The following CEP112 variants were observed in gnomAD, a reference collection of about 807,000 sequenced individuals.
The protein encoded by CEP112 is centrosomal protein 112.
Under a neutral mutation model 153.0 loss-of-function variants are expected in CEP112, and 127 were observed. The observed-to-expected ratio is 0.83, with a 90% CI of 0.72 to 0.96. The LOEUF (loss-of-function observed/expected upper bound fraction) is 0.96. Ranked by LOEUF, CEP112 falls within the 40% of genes least tolerant of loss-of-function variation. CEP112 has a pLI of 0.00. For missense variants in CEP112, 1,089 were observed against 1,101.2 expected (o/e 0.99, Z 0.16); for synonymous variants, 358 against 374.4 (o/e 0.96, Z 0.51).
At chr17:65,955,852 A>G (rs2061984691) in intron 18 of CEP112, among the ~76,000 whole-genome samples, 2 of 152,178 alleles carry the variant, frequency 1.3e-5, no homozygotes, top group African/African-American at 4.8e-5. Flanking sequence ...AATGTATAAA[A>G]CAATTACTAC....
At chr17:65,810,756 A>G (rs1019897311) in intron 21 of CEP112, among the ~76,000 whole-genome samples, 21 of 152,106 alleles carry the variant, frequency 1.4e-4, no homozygotes, top group Non-Finnish European at 2.5e-4. Context: ...TTGATATAAG[A>G]GAAATGGTGG....
rs764871912 is a variant in CEP112 at position 66,062,936 on chromosome 17, T to C, written c.1074+27A>G. ...TACTTGGAAGCATAAACTTTTATGT[T>C]TTCCATTAGTATTTTATGTAGCTTA... On this transcript the variant is annotated intron_variant, in intron 11 of 26. Transcript: ENST00000535342. 1.7e-6 allele frequency: 2 copies of C among 1,159,606 alleles called. 1 individual carries two copies. Among genetic ancestry groups the C allele is most frequent in the Non-Finnish European group, 2.5e-6 (2 of 802,934 alleles). 71.8% of individuals were successfully genotyped at this position (1,159,606 alleles called of 1,614,324 possible). A position where few individuals can be genotyped will look rare whatever the true frequency, so the allele number is the denominator to read the frequency against.
chr17:66,088,027 C>T (rs2068005522), intron 8 of CEP112, among the ~76,000 whole-genome samples: 1 of 150,810 alleles, frequency 6.6e-6, no homozygotes, highest in African/African-American at 2.4e-5. Flanking sequence ...TAGATTTAGT[C>T]CCTGGGTCCA....
At chr17:66,030,435 A>C (rs1306777759) in intron 12 of CEP112, among the ~76,000 whole-genome samples, 1 of 152,204 alleles carries the variant, frequency 6.6e-6, no homozygotes, top group Non-Finnish European at 1.5e-5. Flanking sequence ...AATGTGTTAT[A>C]AGAGTAATGT....
chr17:66,188,881 T>C (rs2073053986), intron 1 of CEP112, among the ~76,000 whole-genome samples: 1 of 152,004 alleles, frequency 6.6e-6, no homozygotes, highest in East Asian at 1.9e-4. Context: ...AACCCAGAGT[T>C]TTAAAGCACA....
At chr17:66,002,871 C>T (rs2064120396) in intron 17 of CEP112, among the ~76,000 whole-genome samples, 1 of 152,232 alleles carries the variant, frequency 6.6e-6, no homozygotes, top group East Asian at 1.9e-4. Flanking sequence ...CTGAGATTTT[C>T]CTTCTTTGCA....
At chr17:65,826,092 C>T in intron 21 of CEP112, 1 of 1,585,748 alleles carries the variant, frequency 6.3e-7, no homozygotes, top group Non-Finnish European at 8.6e-7. Context: ...TTTATTTTTT[C>T]AGCAAGATCC....
intron 6 of CEP112, among the ~76,000 whole-genome samples, chr17:66,127,294 G>C (rs2069893123): frequency 6.6e-6 from 1 of 152,184 alleles, no homozygotes; most frequent in Admixed American, 6.5e-5. Flanking sequence ...GGGCAAAGGT[G>C]AGTTTAAAAG....
chr17:65,810,371 T>C (rs2055876411), intron 21 of CEP112, among the ~76,000 whole-genome samples: 1 of 152,010 alleles, frequency 6.6e-6, no homozygotes, highest in Non-Finnish European at 1.5e-5. Flanking sequence ...TGGGCTGTGA[T>C]TGGAATATGG....
chr17:65,855,775 C>T (rs1001292534), intron 20 of CEP112, among the ~76,000 whole-genome samples: 3 of 152,238 alleles, frequency 2.0e-5, no homozygotes, highest in Admixed American at 6.5e-5. Flanking sequence ...TTTTTAAGTG[C>T]GTAATAGGCC....
At chr17:66,164,624 G>A (rs1321413286) in intron 4 of CEP112, among the ~76,000 whole-genome samples, 5 of 148,696 alleles carry the variant, frequency 3.4e-5, no homozygotes, top group East Asian at 2.0e-4. Flanking sequence ...TTGGGAGGCC[G>A]AGGCATATGG....
chr17:65,706,224 G>C (rs967848544), intron 23 of CEP112, among the ~76,000 whole-genome samples: 1 of 152,208 alleles, frequency 6.6e-6, no homozygotes, highest in African/African-American at 2.4e-5. Context: ...CGCAGTATTT[G>C]GGAAAAGCCT....
chr17:66,113,957 A>C (rs775336885), intron 6 of CEP112, among the ~76,000 whole-genome samples: 1 of 152,236 alleles, frequency 6.6e-6, no homozygotes, highest in Non-Finnish European at 1.5e-5. Context: ...ATCTGTAAAC[A>C]GTCTTAACAT....
intron 9 of CEP112, among the ~76,000 whole-genome samples, chr17:66,067,673 A>G (rs2067174170): frequency 6.6e-6 from 1 of 152,224 alleles, no homozygotes; most frequent in Non-Finnish European, 1.5e-5. Flanking sequence ...AAATTATTAA[A>G]TATACAAGAA....
chr17:65,655,440 C>A, intron 24 of CEP112: 2 of 1,211,602 alleles, frequency 1.7e-6, no homozygotes, highest in Non-Finnish European at 2.4e-6. Context: ...TCTTTGACTG[C>A]TGTCTTTTGA....
chr17:66,136,430 A>G lies in CEP112; in HGVS notation c.471-3667T>C, dbSNP rs191072211. Among the ~76,000 whole-genome samples, 140 of 152,106 alleles carry G rather than the reference A, an allele frequency of 9.2e-4. 1 individual carries two copies. The highest frequency in any genetic ancestry group is 3.3e-3 in the African/African-American group (135 of 41,496). On this transcript the variant is annotated intron_variant, in intron 4 of 26. Transcript: ENST00000535342. ...AATGCCTGGGGACCACTGAGAACAA[A>G]GGTGGTGGTTTGGACTAGTAAACAC...
intron 19 of CEP112, among the ~76,000 whole-genome samples, chr17:65,911,676 T>G (rs9909828): frequency 0.16 from 24,427 of 151,856 alleles, 2,203 homozygotes; most frequent in Admixed American, 0.27. Flanking sequence ...AAAAAATAAA[T>G]AAAAAAGAAA....
At chr17:66,131,826 G>C (rs1408333470) in intron 5 of CEP112, among the ~76,000 whole-genome samples, 1 of 152,028 alleles carries the variant, frequency 6.6e-6, no homozygotes, top group Non-Finnish European at 1.5e-5. Context: ...AAGACAGCCA[G>C]AGTTAGGCAA....
At chr17:66,176,735 A>C in intron 3 of CEP112, 95 bp downstream of exon 3, 1 of 904,546 alleles carries the variant, frequency 1.1e-6, no homozygotes, top group Non-Finnish European at 1.6e-6. Context: ...TCTAGCACAT[A>C]CAACCTAATA....
Sources: gnomAD v4.1 joint callset for allele counts (sites outside exome capture counted in the v4.1 genomes callset) on GRCh38, gnomAD v4.1.1 for gene constraint, MANE v1.5 for transcripts, NCBI Gene and HGNC (gene_info 2026-07-23, HGNC 2026-07-21) for gene names.